The following MYO1H variants were observed in gnomAD, a reference collection of about 807,000 sequenced individuals.
MYO1H encodes myosin IH.
A neutral mutation model predicts 149.3 loss-of-function variants in MYO1H; 118 were observed. That is an observed-to-expected ratio of 0.79 (90% CI 0.68 to 0.92). The LOEUF (loss-of-function observed/expected upper bound fraction) is 0.92, where lower values mean the gene tolerates loss of function less well. Ranked by LOEUF, MYO1H falls within the 40% of genes least tolerant of loss-of-function variation. The pLI is 0.00. For missense variants in MYO1H, 1,212 were observed against 1,280.7 expected (o/e 0.95, Z 0.82); for synonymous variants, 447 against 465.2 (o/e 0.96, Z 0.50).
chr12:109,417,606 C>G (rs748647817), intron 15 of MYO1H, among the ~76,000 whole-genome samples: 1 of 151,954 alleles, frequency 6.6e-6, no homozygotes, highest in Admixed American at 6.6e-5. Flanking sequence ...GGATTACAGG[C>G]GTGAGCCACC....
At chr12:109,362,863 A>G (rs1205376216) in intron 1 of MYO1H, among the ~76,000 whole-genome samples, 1 of 152,224 alleles carries the variant, frequency 6.6e-6, no homozygotes, top group African/African-American at 2.4e-5. Context: ...TTGCCATAGC[A>G]TATCTTGCAG....
intron 1 of MYO1H, among the ~76,000 whole-genome samples, chr12:109,379,385 G>C (rs923076623): frequency 2.6e-5 from 4 of 152,198 alleles, no homozygotes; most frequent in Non-Finnish European, 4.4e-5. Flanking sequence ...GGGTGCAACG[G>C]TCTACATGTG....
intron 1 of MYO1H, among the ~76,000 whole-genome samples, chr12:109,377,756 G>A (rs1302910723): frequency 3.9e-5 from 6 of 152,020 alleles, no homozygotes; most frequent in Non-Finnish European, 8.8e-5. Flanking sequence ...TTTTAAATAA[G>A]TATTATGAAA....
chr12:109,338,765 CAA>C, the MYO1H span, among the ~76,000 whole-genome samples: 1,746 of 87,168 alleles, frequency 0.02, 23 homozygotes, highest in Admixed American at 0.072. Flanking sequence ...GACTCCATCT[CAA>C]AAAAAAAAAA....
chr12:109,431,961 C>A (rs1345028624), intron 19 of MYO1H, among the ~76,000 whole-genome samples: 1 of 150,450 alleles, frequency 6.6e-6, no homozygotes, highest in Non-Finnish European at 1.5e-5. Flanking sequence ...GGGACTACAG[C>A]CGCACACTGC....
chr12:109,373,097 A>G (rs1351409545), intron 1 of MYO1H, among the ~76,000 whole-genome samples: 1 of 152,064 alleles, frequency 6.6e-6, no homozygotes, highest in Non-Finnish European at 1.5e-5. Context: ...TTTGTTTATT[A>G]ACTTTGTATA....
At chr12:109,396,481 G>A (rs761167730) in exon 4 of MYO1H, 2 of 1,613,826 alleles carry the variant, frequency 1.2e-6, no homozygotes, top group Admixed American at 1.7e-5. Context: ...GAAAACAGAG[G>A]CCTCCAAGAA....
At chr12:109,443,908 A>AC (rs1304473820) in intron 28 of MYO1H, among the ~76,000 whole-genome samples, 1 of 151,862 alleles carries the variant, frequency 6.6e-6, no homozygotes, top group African/African-American at 2.4e-5. Flanking sequence ...GCTCAAAAAA[A>AC]AAAACAAAAA....
chr12:109,441,057 C>T (rs769918301), intron 25 of MYO1H, among the ~76,000 whole-genome samples: 34 of 152,352 alleles, frequency 2.2e-4, no homozygotes, highest in South Asian at 4.1e-4. Flanking sequence ...ACAATCACAA[C>T]GGCTCCTGCC....
intron 5 of MYO1H, 125 bp from the exon 6 acceptor site, chr12:109,400,968 A>T: frequency 1.1e-6 from 1 of 889,592 alleles, no homozygotes; most frequent in East Asian, 2.7e-5. Flanking sequence ...GATATGTCCA[A>T]AAAAAAGAAA....
the MYO1H span, among the ~76,000 whole-genome samples, chr12:109,338,345 TG>T: frequency 6.6e-6 from 1 of 152,158 alleles, no homozygotes; most frequent in Non-Finnish European, 1.5e-5. Flanking sequence ...CAACTAAAAC[TG>T]TGTAGCTTGA....
intron 25 of MYO1H, 142 bp downstream of exon 25, chr12:109,440,969 A>G: frequency 1.5e-6 from 1 of 661,110 alleles, no homozygotes; most frequent in South Asian, 1.8e-5. Context: ...AGATAATTGC[A>G]GGTAGACCTG....
Position 109,443,127 on chromosome 12 carries a change from T to TATATGTGTGTATATGTGTAC in MYO1H, c.2689-383_2689-382insGTGTGTATATGTGTACATAT, listed in dbSNP as rs1566044965. Among the ~76,000 whole-genome samples the TATATGTGTGTATATGTGTAC allele has an allele frequency of 7.3e-3, 97 of 13,298 alleles. 27 individuals are homozygous for TATATGTGTGTATATGTGTAC. The highest frequency in any genetic ancestry group is 0.01 in the Non-Finnish European group (82 of 7,924). 8.7% of individuals were successfully genotyped at this position (13,298 alleles called of 152,430 possible). On this transcript the variant is annotated intron_variant, in intron 27 of 31. Transcript: ENST00000310903. The stretch of plus-strand genomic sequence containing the variant: ...ACGTATATGTGTGTATATGTGTACG[T>TATATGTGTGTATATGTGTAC]ATATATGTGTGTATATGTGTACGTA...
At chr12:109,419,275 G>A (rs1410669149) in intron 15 of MYO1H, among the ~76,000 whole-genome samples, 3 of 152,054 alleles carry the variant, frequency 2.0e-5, no homozygotes, top group Non-Finnish European at 4.4e-5. Context: ...TTGGTGGGGA[G>A]TTTTCCATGT....
the MYO1H span, among the ~76,000 whole-genome samples, chr12:109,315,071 C>G: frequency 6.6e-6 from 1 of 152,178 alleles, no homozygotes; most frequent in Non-Finnish European, 1.5e-5. Flanking sequence ...CACTGCATTC[C>G]AGCCTGGGCT....
chr12:109,440,686 C>T, intron 24 of MYO1H, 58 bp from the exon 25 acceptor site: 2 of 1,282,736 alleles, frequency 1.6e-6, no homozygotes, highest in Non-Finnish European at 2.2e-6. Flanking sequence ...TTTTGATCGC[C>T]ACAGCCCCAG....
chr12:109,341,175 C>T, the MYO1H span, among the ~76,000 whole-genome samples: 4 of 113,860 alleles, frequency 3.5e-5, no homozygotes, highest in Admixed American at 2.6e-4. Flanking sequence ...GGTGACAGAG[C>T]GAGACTCCAT....
At chr12:109,365,871 G>A (rs917943571) in intron 1 of MYO1H, among the ~76,000 whole-genome samples, 4 of 152,116 alleles carry the variant, frequency 2.6e-5, no homozygotes, top group Admixed American at 1.3e-4. Flanking sequence ...GAACTGGGCC[G>A]CACAGCAGGA....
chr12:109,338,351 G>A, the MYO1H span, among the ~76,000 whole-genome samples: 2 of 152,178 alleles, frequency 1.3e-5, no homozygotes, highest in African/African-American at 4.8e-5. Context: ...AAACTGTGTA[G>A]CTTGAATGGA....
Sources: gnomAD v4.1 joint callset for allele counts (sites outside exome capture counted in the v4.1 genomes callset) on GRCh38, gnomAD v4.1.1 for gene constraint, MANE v1.5 for transcripts, NCBI Gene and HGNC (gene_info 2026-07-23, HGNC 2026-07-21) for gene names.